Variants in SRGAP3 observed in about 807,000 individuals in gnomAD.
SRGAP3 encodes the protein SLIT-ROBO Rho GTPase-activating protein 3.
In SRGAP3, 39 loss-of-function variants were observed where a neutral mutation model predicts 121.1. The ratio of observed to expected loss-of-function variants is 0.32; its 90% CI spans 0.25 to 0.42. SRGAP3 has a LOEUF of 0.42. SRGAP3 is among the 10% of genes least tolerant of loss of function. SRGAP3 has a pLI of 1.00. For synonymous variants in SRGAP3, 601 were observed against 570.0 expected (o/e 1.05, Z -0.77); for missense variants, 1,213 against 1,470.6 (o/e 0.82, Z 2.86).
intron 3 of SRGAP3, among the ~76,000 whole-genome samples, chr3:9,274,382 C>T (rs150638964): frequency 1.2e-3 from 182 of 152,348 alleles, no homozygotes; most frequent in African/African-American, 4.3e-3. Context: ...CTCAGACCTG[C>T]TGGGCTTCAC....
At chr3:9,061,187 G>A (rs766736155) in intron 5 of SRGAP3, among the ~76,000 whole-genome samples, 1 of 152,166 alleles carries the variant, frequency 6.6e-6, no homozygotes, top group African/African-American at 2.4e-5. Context: ...AGCAGAGATT[G>A]CACCACTGCA....
At chr3:9,168,270 A>T (rs1950862137) in intron 1 of SRGAP3, among the ~76,000 whole-genome samples, 1 of 152,214 alleles carries the variant, frequency 6.6e-6, no homozygotes, top group Non-Finnish European at 1.5e-5. Context: ...ACAAACTCAG[A>T]CATTTCATCC....
At chr3:9,295,711 A>T (rs750750471) in intron 3 of SRGAP3, among the ~76,000 whole-genome samples, 3 of 152,298 alleles carry the variant, frequency 2.0e-5, no homozygotes, top group African/African-American at 4.8e-5. Context: ...TATTCATATC[A>T]TTGTGCAACT....
intron 10 of SRGAP3, among the ~76,000 whole-genome samples, chr3:9,046,846 T>TG (rs1945304962): frequency 6.6e-6 from 1 of 151,810 alleles, no homozygotes; most frequent in Admixed American, 6.6e-5. Context: ...CTTTTTTTTT[T>TG]TGGAGATGGA....
In SRGAP3 at chr3:9,194,990, GT is replaced by G. The variant is rs574475280; in HGVS notation, c.67+53894del. On this transcript the variant is annotated intron_variant, in intron 1 of 21. Coordinates refer to ENST00000383836, the MANE Select transcript of SRGAP3 (RefSeq NM_014850.4). Reference sequence around the variant, plus strand: ...TATACCCAGTGCTGTGTTGGCAAATGTTTAGCAGCCACTTTCTGGTGGGGTA... The same window carrying G: ...TATACCCAGTGCTGTGTTGGCAAATGTTAGCAGCCACTTTCTGGTGGGGTA... 1.3e-4 allele frequency among the ~76,000 whole-genome samples: 20 copies of G among 152,302 alleles called. No individual in the cohort carries two copies. In the East Asian group the frequency reaches 3.9e-3, roughly 29 times the overall value.
At chr3:9,166,931 C>G (rs1000949334) in intron 1 of SRGAP3, among the ~76,000 whole-genome samples, 2 of 152,160 alleles carry the variant, frequency 1.3e-5, no homozygotes, top group Non-Finnish European at 2.9e-5. Flanking sequence ...TGTCAACTCC[C>G]AGGAACTGCC....
chr3:9,153,630 G>A (rs1030203834), intron 1 of SRGAP3, among the ~76,000 whole-genome samples: 1 of 152,148 alleles, frequency 6.6e-6, no homozygotes, highest in African/African-American at 2.4e-5. Flanking sequence ...TCAAAGTCAT[G>A]CAATGCAGTG....
chr3:9,214,030 T>C (rs891767707), intron 1 of SRGAP3, among the ~76,000 whole-genome samples: 4 of 152,130 alleles, frequency 2.6e-5, no homozygotes, highest in African/African-American at 9.7e-5. Context: ...TTCTTTGTAA[T>C]GGTTACCATT....
intron 3 of SRGAP3, among the ~76,000 whole-genome samples, chr3:9,257,694 GCTC>G (rs1954160988): frequency 2.0e-5 from 2 of 101,750 alleles, no homozygotes; most frequent in Non-Finnish European, 4.2e-5. Context: ...AAACAAAATA[GCTC>G]CTTTTTTTTT....
intron 1 of SRGAP3, among the ~76,000 whole-genome samples, chr3:9,129,075 T>C (rs938619983): frequency 1.3e-5 from 2 of 152,192 alleles, no homozygotes; most frequent in African/African-American, 4.8e-5. Flanking sequence ...AAAATTGCTA[T>C]GTTAGTTTCT....
chr3:9,278,062 G>T (rs1286001379), intron 3 of SRGAP3, among the ~76,000 whole-genome samples: 1 of 152,178 alleles, frequency 6.6e-6, no homozygotes, highest in African/African-American at 2.4e-5. Context: ...CTTGGTCTTG[G>T]ACTTCCCAGC....
At chr3:9,028,142 A>C in intron 12 of SRGAP3, 1 of 1,614,202 alleles carries the variant, frequency 6.2e-7, no homozygotes, top group South Asian at 1.1e-5. Context: ...TGATAACAAA[A>C]AATAAACAGG....
At chr3:9,346,983 T>G (rs1395126587) in intron 1 of SRGAP3, among the ~76,000 whole-genome samples, 3 of 151,912 alleles carry the variant, frequency 2.0e-5, no homozygotes. Flanking sequence ...CTCGAACTCC[T>G]TACCTCAGGT....
At chr3:9,175,160 C>G (rs1951133618) in intron 1 of SRGAP3, among the ~76,000 whole-genome samples, 1 of 152,098 alleles carries the variant, frequency 6.6e-6, no homozygotes, top group Admixed American at 6.5e-5. Flanking sequence ...TAAGCATGAG[C>G]TTAAATCCCA....
In SRGAP3 at chr3:9,053,073, G is replaced by C; in HGVS notation, c.1277C>G (p.Ala426Gly). Residue 426 changes from alanine (A) to glycine (G), a missense_variant, in exon 9 of 22, where the codon GCC becomes GGC. Physicochemically the swap from Ala to Gly is moderately conservative, Grantham distance 60. Coordinates refer to ENST00000383836, the MANE Select transcript of SRGAP3 (RefSeq NM_014850.4). The part of the protein sequence containing the change: ...SETYMSKINI[A>G]KRRANQQETE... ...TTCCTGCTGGTTGGCTCTCCTCTTG[G>C]CAATGTTGATCTTGCTCATGTAGGT... 1 of 1,614,130 alleles carries C rather than the reference G, an allele frequency of 6.2e-7. No individual in the cohort carries two copies. Among genetic ancestry groups the C allele is most frequent in the Non-Finnish European group, 8.5e-7 (1 of 1,180,030 alleles).
chr3:9,262,088 G>T (rs1954267734), intron 3 of SRGAP3, among the ~76,000 whole-genome samples: 1 of 152,042 alleles, frequency 6.6e-6, no homozygotes, highest in Non-Finnish European at 1.5e-5. Context: ...TTTCAACCCA[G>T]AATTTCATAT....
intron 17 of SRGAP3, among the ~76,000 whole-genome samples, chr3:9,011,777 T>C (rs1193412926): frequency 6.6e-6 from 1 of 151,696 alleles, no homozygotes; most frequent in Non-Finnish European, 1.5e-5. Context: ...ATGAATGTTG[T>C]CTACTGTGCT....
chr3:9,049,204 T>C (rs1945434582), intron 9 of SRGAP3: 1 of 341,464 alleles, frequency 2.9e-6, no homozygotes, highest in African/African-American at 2.1e-5. Context: ...AAAGACCCAC[T>C]GGGGTAGGGG....
At chr3:9,194,978 G>A (rs781718066) in intron 1 of SRGAP3, among the ~76,000 whole-genome samples, 41 of 152,224 alleles carry the variant, frequency 2.7e-4, no homozygotes, top group Non-Finnish European at 5.0e-4. Context: ...ACCCAGTGCT[G>A]TGTTGGCAAA....
Sources: allele counts gnomAD v4.1 joint callset (sites outside exome capture counted in the v4.1 genomes callset), GRCh38; gene constraint gnomAD v4.1.1; transcripts MANE v1.5; gene names NCBI Gene and HGNC (gene_info 2026-07-23, HGNC 2026-07-21).